The following TECPR2 variants were observed in gnomAD, a reference collection of about 807,000 sequenced individuals.
TECPR2 encodes tectonin beta-propeller repeat-containing protein 2.
TECPR2 carries 65 observed loss-of-function variants against 138.1 expected under a neutral mutation model. That is an observed-to-expected ratio of 0.47 (90% confidence interval 0.39 to 0.58). The LOEUF (loss-of-function observed/expected upper bound fraction) is 0.58. Among genes scored for constraint, TECPR2 ranks in the 20% least tolerant of loss-of-function variants. The pLI, the probability that TECPR2 is intolerant of heterozygous loss-of-function variation, is 0.00. For missense variants in TECPR2, 1,553 were observed against 1,824.5 expected, an observed-to-expected ratio of 0.85 and a Z score of 2.71; for synonymous variants, 746 against 749.8, an observed-to-expected ratio of 0.99 and a Z score of 0.08.
rs1595121950 is a variant in TECPR2, at chr14:102,431,912, T to C, written c.1201T>C (p.Ser401Pro). 2 of 1,610,996 alleles carry C rather than the reference T, an allele frequency of 1.2e-6. No homozygotes were observed. Among genetic ancestry groups the C allele is most frequent in the Non-Finnish European group, 1.7e-6 (2 of 1,177,840 alleles). ...GCTCAGAGGCTCTTCCATGGCCAGC[T>C]CCGTGGCCAGCGAGCCAAGGAGCAG... ...TRLRGSSMAS[S>P]VASEPRSRSS... Residue 401 changes from serine (S) to proline (P), a missense_variant, in exon 8 of 20, where the codon TCC (serine) becomes CCC (proline). By Grantham distance (74) the Ser-to-Pro change is moderately conservative. Transcript: ENST00000359520.
At chr14:102,377,862 T>C (rs1326919551) in intron 2 of TECPR2, among the ~76,000 whole-genome samples, 1 of 152,244 alleles carries the variant, frequency 6.6e-6, no homozygotes, top group Non-Finnish European at 1.5e-5. Flanking sequence ...CTTGAAATTA[T>C]GATGAAAAAA....
rs73349644 is a variant in TECPR2 at position 102,441,060 on chromosome 14, A to C, written c.2752+451A>C. Among the ~76,000 whole-genome samples the C allele has an allele frequency of 5.9e-3, 893 of 152,184 alleles. 9 individuals are homozygous for C. Among genetic ancestry groups the C allele is most frequent in the African/African-American group, 0.021 (856 of 41,522 alleles). ...ACCCGTGGGCCAGGAAAAAAAAAGAAATAATTTGCTCTTTTTTATTTTGAG... is the reference window on the plus strand; with the variant it reads ...ACCCGTGGGCCAGGAAAAAAAAAGACATAATTTGCTCTTTTTTATTTTGAG... On this transcript the variant is annotated intron_variant, in intron 11 of 19. Transcript: ENST00000359520.
chr14:102,393,526 T>C (rs933159556), intron 2 of TECPR2, among the ~76,000 whole-genome samples: 1 of 152,214 alleles, frequency 6.6e-6, no homozygotes, highest in East Asian at 1.9e-4. Flanking sequence ...CACACCAGTA[T>C]TGAGGCTTCC....
chr14:102,498,325 TC>T lies in TECPR2; in HGVS notation c.*71del, dbSNP rs1337425620. On this transcript the variant is annotated 3_prime_UTR_variant, in exon 20 of 20. Transcript: ENST00000359520. ...GCGGGCACAGGGGCTTCAGAGTGAC[TC>T]CCTGGTGGACGCGCTGCCTCAACAC... 4 of 1,513,886 alleles carry T rather than the reference TC, an allele frequency of 2.6e-6. No individual in the cohort carries two copies. The South Asian group carries it at 4.9e-5, about 19-fold the overall frequency. 93.8% of individuals were successfully genotyped at this position (1,513,886 alleles called of 1,614,324 possible). A position where few individuals can be genotyped will look rare whatever the true frequency, so the allele number is the denominator to read the frequency against.
intron 17 of TECPR2, among the ~76,000 whole-genome samples, chr14:102,469,448 C>T (rs1217998799): frequency 6.6e-6 from 1 of 152,112 alleles, no homozygotes; most frequent in Non-Finnish European, 1.5e-5. Flanking sequence ...TTGGGTCTAA[C>T]AGGTTTTTGT....
rs751583552 is a variant in TECPR2 at position 102,434,913 on chromosome 14, A to G, written c.2096A>G (p.His699Arg). Residue 699 changes from histidine to arginine, a missense_variant, in exon 9 of 20, where the codon CAT becomes CGT. Coordinates refer to ENST00000359520, the MANE Select transcript of TECPR2 (RefSeq NM_014844.5). The stretch of plus-strand genomic sequence containing the variant: ...GGCCACCTCAGCACAAATCTCTGGC[A>G]TGCTGTCACTGATGATGACACAGGT... ...ASGHLSTNLW[H>R]AVTDDDTGQK... 4 of 1,613,870 alleles carry G rather than the reference A, an allele frequency of 2.5e-6. No individual in the cohort carries two copies. The Admixed American group carries it at 5.0e-5, about 20-fold the overall frequency.
At chr14:102,466,618 C>T (rs182033069) in intron 17 of TECPR2, among the ~76,000 whole-genome samples, 1 of 152,294 alleles carries the variant, frequency 6.6e-6, no homozygotes, top group Non-Finnish European at 1.5e-5. Flanking sequence ...ACTGTCAATA[C>T]GTTCCTTTTT....
intron 17 of TECPR2, among the ~76,000 whole-genome samples, chr14:102,496,712 A>G (rs1891290502): frequency 6.6e-6 from 1 of 152,110 alleles, no homozygotes; most frequent in Non-Finnish European, 1.5e-5. Context: ...CACCTGGGCC[A>G]TCCCTGCCCT....
At chr14:102,421,832 C>T (rs1261664781) in intron 5 of TECPR2, among the ~76,000 whole-genome samples, 3 of 152,158 alleles carry the variant, frequency 2.0e-5, no homozygotes, top group Admixed American at 6.5e-5. Flanking sequence ...AATAATTGCA[C>T]GTACCACATA....
At chr14:102,368,158 G>C (rs1037630522) in intron 1 of TECPR2, among the ~76,000 whole-genome samples, 5 of 151,706 alleles carry the variant, frequency 3.3e-5, no homozygotes, top group African/African-American at 1.2e-4. Context: ...ACAGATGTGC[G>C]CCACTATGCC....
At chr14:102,385,325 C>T (rs1004389114) in intron 2 of TECPR2, among the ~76,000 whole-genome samples, 2 of 152,196 alleles carry the variant, frequency 1.3e-5, no homozygotes, top group East Asian at 1.9e-4. Context: ...GATCTACCCC[C>T]ATGGCCCAAA....
intron 17 of TECPR2, among the ~76,000 whole-genome samples, chr14:102,490,715 C>T (rs570860744): frequency 1.3e-5 from 2 of 152,304 alleles, no homozygotes; most frequent in African/African-American, 4.8e-5. Flanking sequence ...ATGGGCTCCT[C>T]CTCCAAACCT....
chr14:102,490,078 GCCA>G (rs1891121872), intron 17 of TECPR2, among the ~76,000 whole-genome samples: 1 of 152,058 alleles, frequency 6.6e-6, no homozygotes, highest in Non-Finnish European at 1.5e-5. Context: ...TGTTGAGACC[GCCA>G]GTGAATCAGG....
At chr14:102,411,569 C>A (rs1237311705) in intron 4 of TECPR2, among the ~76,000 whole-genome samples, 1 of 150,620 alleles carries the variant, frequency 6.6e-6, no homozygotes, top group African/African-American at 2.5e-5. Flanking sequence ...CAGAGAACAA[C>A]CCCCTTTGAC....
At position 102,398,715 on chromosome 14, in the gene TECPR2, C is replaced by G. The variant is rs1288508176; in HGVS notation, c.220-8623C>G. On this transcript the variant is annotated intron_variant, in intron 2 of 19. Coordinates refer to ENST00000359520, the MANE Select transcript of TECPR2 (RefSeq NM_014844.5). ...CTAAAAATCAAAAAAATTAGCCGGG[C>G]GAGGTGGCATTTGCCTGTAGTCTCA... Among the ~76,000 whole-genome samples the G allele has an allele frequency of 1.3e-5, 2 of 151,920 alleles. 1 individual carries two copies. The highest frequency in any genetic ancestry group is 4.2e-4 in the South Asian group (2 of 4,814).
chr14:102,364,973 G>A (rs865904449), intron 1 of TECPR2, among the ~76,000 whole-genome samples: 14 of 152,200 alleles, frequency 9.2e-5, no homozygotes, highest in Admixed American at 2.6e-4. Flanking sequence ...ATGGCTTTGC[G>A]AATTGCTAAG....
rs368632243 is a variant in TECPR2, at chr14:102,374,147, G to A, written c.-72-2503G>A. Reference sequence around the variant, plus strand: ...ACTGGATATGCTATACAGATTTAGGGAATTATTATTCCAGCATTGAATTGG... The same window carrying A: ...ACTGGATATGCTATACAGATTTAGGAAATTATTATTCCAGCATTGAATTGG... On this transcript the variant is annotated intron_variant, in intron 1 of 19. Coordinates refer to ENST00000359520, the MANE Select transcript of TECPR2 (RefSeq NM_014844.5). 2.1e-4 allele frequency among the ~76,000 whole-genome samples: 32 copies of A among 151,808 alleles called. No homozygotes were observed. The East Asian group carries it at 2.3e-3, about 11-fold the overall frequency.
chr14:102,370,046 T>G (rs966177289), intron 1 of TECPR2, among the ~76,000 whole-genome samples: 1 of 151,840 alleles, frequency 6.6e-6, no homozygotes, highest in African/African-American at 2.4e-5. Context: ...GGATTACAGA[T>G]GTGAGCCACT....
At chr14:102,451,233 C>T (rs927516703) in intron 15 of TECPR2, among the ~76,000 whole-genome samples, 7 of 152,150 alleles carry the variant, frequency 4.6e-5, no homozygotes, top group South Asian at 2.1e-4. Flanking sequence ...TTCCCCCACC[C>T]GCTTAGCTGG....
Sources: allele counts gnomAD v4.1 joint callset (sites outside exome capture counted in the v4.1 genomes callset), GRCh38; gene constraint gnomAD v4.1.1; transcripts MANE v1.5; gene names NCBI Gene and HGNC (gene_info 2026-07-23, HGNC 2026-07-21).